The following CASP9 variants were observed in gnomAD, a reference collection of about 807,000 sequenced individuals.
The protein encoded by CASP9 is caspase 9.
In CASP9, 29 loss-of-function variants were observed where a neutral mutation model predicts 43.5. The observed-to-expected ratio is 0.67, with a 90% CI of 0.50 to 0.91. The LOEUF (loss-of-function observed/expected upper bound fraction) is 0.91. CASP9 is among the 40% of genes least tolerant of loss of function. The probability of loss-of-function intolerance (pLI) is 0.00; values close to 1 mark genes in which losing one functional copy is unlikely to be tolerated. For missense variants in CASP9, 575 were observed against 537.4 expected, an observed-to-expected ratio of 1.07 and a Z score of -0.69; for synonymous variants, 206 against 211.9, an observed-to-expected ratio of 0.97 and a Z score of 0.24.
intron 1 of CASP9, 96 bp from the exon 2 acceptor site, chr1:15,518,491 A>C: frequency 6.8e-6 from 9 of 1,320,630 alleles, no homozygotes; most frequent in Non-Finnish European, 9.3e-6. Context: ...AGTCTAAACA[A>C]TCAGGCACGT....
rs1570848983 is a variant in CASP9 at position 15,506,983 on chromosome 1, G to A, written c.546C>T (p.Gly182=). The A allele has an allele frequency of 3.7e-6, 6 of 1,614,182 alleles. No individual in the cohort carries two copies. Among genetic ancestry groups the A allele is most frequent in the Non-Finnish European group, 5.1e-6 (6 of 1,180,034 alleles). ...GCAACTTCTCACAGTCGATGTTGGAGCCAGTGCGGGTGCGGAGCCCGGACT... is the reference window on the plus strand; with the variant it reads ...GCAACTTCTCACAGTCGATGTTGGAACCAGTGCGGGTGCGGAGCCCGGACT... ...CRESGLRTRT[G]SNIDCEKLRR... Residue 182 remains glycine (G), a synonymous_variant, in exon 4 of 9, where the codon GGC becomes GGT. Transcript: ENST00000333868.
chr1:15,493,118 C>G (rs1041078148), intron 8 of CASP9, 83 bp from the exon 9 acceptor site: 2 of 1,591,448 alleles, frequency 1.3e-6, no homozygotes, highest in Non-Finnish European at 1.7e-6. Flanking sequence ...GGGGGAATGT[C>G]CACTCAACCC....
At position 15,491,846 on chromosome 1, in the gene CASP9, G is replaced by A. The variant is rs772223196; in HGVS notation, c.*1097C>T. ...GTGGAGCCTTGTGGGGAAGCCCAGC[G>A]TGTCACTATTGCACAGCACGTTCAC... is the stretch of plus-strand genomic sequence containing the variant. On this transcript the variant is annotated 3_prime_UTR_variant, in exon 9 of 9. Coordinates refer to ENST00000333868, the MANE Select transcript of CASP9 (RefSeq NM_001229.5). 1 of 160,514 alleles carries A rather than the reference G, an allele frequency of 6.2e-6. No homozygotes were observed. The highest frequency in any genetic ancestry group is 1.4e-5 in the Non-Finnish European group (1 of 72,642). The allele number at this position is 160,514 out of a possible 1,614,324, so 9.9% of individuals were successfully genotyped here. A position where few individuals can be genotyped will look rare whatever the true frequency, so the allele number is the denominator to read the frequency against.
intron 6 of CASP9, among the ~76,000 whole-genome samples, chr1:15,501,443 T>A (rs1034421409): frequency 1.3e-5 from 2 of 151,996 alleles, no homozygotes; most frequent in Non-Finnish European, 2.9e-5. Context: ...TAAATATTTT[T>A]AAAGTATTAT....
Position 15,495,401 on chromosome 1 carries a change from G to T in CASP9, c.920C>A (p.Ser307Tyr), listed in dbSNP as rs367896227. The T allele has an allele frequency of 6.8e-6, 11 of 1,607,828 alleles. No homozygotes were observed. In the African/African-American group the frequency reaches 1.1e-4, roughly 16 times the overall value. ...EVASTSPEDESPGSNPEPDAT... is the reference protein window; with the variant it reads ...EVASTSPEDEYPGSNPEPDAT... ...ATCTGGCTCGGGGTTACTGCCAGGGGACTCGTCTTCAGGGGAAGTGGAGGC... is the reference window on the plus strand; with the variant it reads ...ATCTGGCTCGGGGTTACTGCCAGGGTACTCGTCTTCAGGGGAAGTGGAGGC... The change falls in exon 7 of 9, where the codon TCC (serine) becomes TAC (tyrosine). Residue 307 changes from serine to tyrosine, a missense_variant. Physicochemically the swap from Ser to Tyr is moderately radical, Grantham distance 144 (BLOSUM62 -2). Coordinates refer to ENST00000333868, the MANE Select transcript of CASP9 (RefSeq NM_001229.5).
intron 2 of CASP9, among the ~76,000 whole-genome samples, chr1:15,515,741 G>A (rs143931096): frequency 8.9e-4 from 135 of 152,268 alleles, no homozygotes; most frequent in Non-Finnish European, 1.6e-3. Flanking sequence ...ACCTTCACTC[G>A]CAGTTGGTGA....
chr1:15,523,967 G>A (rs1411650448), intron 1 of CASP9, 102 bp downstream of exon 1: 2 of 840,390 alleles, frequency 2.4e-6, no homozygotes, highest in African/African-American at 3.6e-5. Context: ...GCTCCGCTGA[G>A]GGGTTTGAAG....
chr1:15,517,546 G>A (rs1479498151), intron 2 of CASP9, among the ~76,000 whole-genome samples: 1 of 152,082 alleles, frequency 6.6e-6, no homozygotes, highest in African/African-American at 2.4e-5. Context: ...GCTTACTCTT[G>A]GGATTTATGC....
At chr1:15,518,736 T>G (rs999687591) in intron 1 of CASP9, among the ~76,000 whole-genome samples, 16 of 152,202 alleles carry the variant, frequency 1.1e-4, no homozygotes, top group African/African-American at 3.6e-4. Flanking sequence ...GAGGATATCA[T>G]GAAGTGAATA....
At chr1:15,510,779 T>C (rs182634989) in intron 2 of CASP9, among the ~76,000 whole-genome samples, 1 of 152,046 alleles carries the variant, frequency 6.6e-6, no homozygotes, top group Non-Finnish European at 1.5e-5. Context: ...GAGACCAGTT[T>C]CTCCTGAAAT....
intron 1 of CASP9, among the ~76,000 whole-genome samples, chr1:15,522,241 A>G (rs529652981): frequency 1.3e-5 from 2 of 152,244 alleles, no homozygotes; most frequent in Non-Finnish European, 1.5e-5. Context: ...AATATGTAAC[A>G]AGGCCAGGAT....
chr1:15,492,686 A>T lies in CASP9; in HGVS notation c.*257T>A. ...ACACAGGGATCATGGGACACAAGTC[A>T]CTAGCCCTGGACCAGCCACTGCTCA... On this transcript the variant is annotated 3_prime_UTR_variant, in exon 9 of 9. Transcript: ENST00000333868. The T allele has an allele frequency of 1.9e-6, 1 of 535,766 alleles. No individual in the cohort carries two copies. The highest frequency in any genetic ancestry group is 3.1e-5 in the East Asian group (1 of 32,610). The allele number at this position is 535,766 out of a possible 1,614,324, so 33.2% of individuals were successfully genotyped here. A position where few individuals can be genotyped will look rare whatever the true frequency, so the allele number is the denominator to read the frequency against.
Position 15,491,591 on chromosome 1 carries a change from C to T in CASP9, c.*1352G>A. On this transcript the variant is annotated 3_prime_UTR_variant, in exon 9 of 9. Coordinates refer to ENST00000333868, the MANE Select transcript of CASP9 (RefSeq NM_001229.5). ...TGAGTAACATGGCATAACTCTGTCT[C>T]TACTAAAAATACAAAAATTAACTGG... is the stretch of plus-strand genomic sequence containing the variant. The T allele has an allele frequency of 2.6e-6, 1 of 387,084 alleles. No homozygotes were observed. The highest frequency in any genetic ancestry group is 3.7e-5 in the Admixed American group (1 of 27,124). The allele number at this position is 387,084 out of a possible 1,614,324, so 24.0% of individuals were successfully genotyped here. A position where few individuals can be genotyped will look rare whatever the true frequency, so the allele number is the denominator to read the frequency against.
rs1710346064 is a variant in CASP9 at position 15,524,209 on chromosome 1, G to C, written c.-9C>G. ...CGATCCGCTTCGTCCATGGCGAGTA[G>C]CCAACTAAGACTCCAGGCCGCCTCA... On this transcript the variant is annotated 5_prime_UTR_variant, in exon 1 of 9. Transcript: ENST00000333868. 1.9e-6 allele frequency: 3 copies of C among 1,541,498 alleles called. No homozygotes were observed. Among genetic ancestry groups the C allele is most frequent in the African/African-American group, 1.4e-5 (1 of 73,052 alleles).
intron 6 of CASP9, among the ~76,000 whole-genome samples, chr1:15,499,720 G>C (rs1216583726): frequency 6.6e-6 from 1 of 152,220 alleles, no homozygotes; most frequent in Non-Finnish European, 1.5e-5. Flanking sequence ...ATTTGAGCTA[G>C]TGATGATGAA....
At chr1:15,517,226 A>G (rs1281330042) in intron 2 of CASP9, among the ~76,000 whole-genome samples, 3 of 152,224 alleles carry the variant, frequency 2.0e-5, no homozygotes, top group African/African-American at 7.2e-5. Context: ...GATTATTCAG[A>G]ATGCCATGTA....
At chr1:15,524,828 C>T, upstream of CASP9, 1 of 972,654 alleles carries the variant, frequency 1.0e-6, no homozygotes, top group Non-Finnish European at 1.2e-6. Context: ...CGCTCTGCGT[C>T]ATCGCCCCGC....
intron 2 of CASP9, among the ~76,000 whole-genome samples, chr1:15,508,890 C>T (rs534592081): frequency 6.6e-6 from 1 of 152,352 alleles, no homozygotes; most frequent in South Asian, 2.1e-4. Flanking sequence ...TACCACAAGA[C>T]AGTAAAGAAG....
chr1:15,504,953 A>T (rs1709462949), intron 5 of CASP9, among the ~76,000 whole-genome samples, 195 bp from the exon 6 acceptor site: 1 of 152,202 alleles, frequency 6.6e-6, no homozygotes, highest in African/African-American at 2.4e-5. Flanking sequence ...AAGGGGTTGC[A>T]TGTCAAACTC....
Sources: gnomAD v4.1 joint callset for allele counts (sites outside exome capture counted in the v4.1 genomes callset) on GRCh38, gnomAD v4.1.1 for gene constraint, MANE v1.5 for transcripts, NCBI Gene and HGNC (gene_info 2026-07-23, HGNC 2026-07-21) for gene names.